Variants in TASP1 observed in about 807,000 individuals in gnomAD.
The protein encoded by TASP1 is taspase 1, also known as threonine aspartase 1.
In TASP1, 16 loss-of-function variants were observed where a neutral mutation model predicts 56.6. The ratio of observed to expected loss-of-function variants is 0.28; its 90% confidence interval spans 0.19 to 0.43. The LOEUF is 0.43. Among genes scored for constraint, TASP1 ranks in the 20% least tolerant of loss-of-function variants. The probability of loss-of-function intolerance (pLI) is 1.00; values close to 1 mark genes in which losing one functional copy is unlikely to be tolerated. For missense variants in TASP1, 393 were observed against 511.6 expected, an observed-to-expected ratio of 0.77 and a Z score of 2.24; for synonymous variants, 179 against 184.2, an observed-to-expected ratio of 0.97 and a Z score of 0.23.
intron 12 of TASP1, among the ~76,000 whole-genome samples, chr20:13,421,365 G>A (rs6042087): frequency 1.1e-4 from 16 of 150,142 alleles, no homozygotes; most frequent in Admixed American, 1.0e-3. Flanking sequence ...ATGGGCCACC[G>A]CACCTGGCCT....
intron 10 of TASP1, among the ~76,000 whole-genome samples, chr20:13,486,017 T>A (rs961424907): frequency 6.6e-6 from 1 of 152,210 alleles, no homozygotes; most frequent in African/African-American, 2.4e-5. Context: ...CAATGATTGA[T>A]CTTTTTACCA....
chr20:13,131,167 G>A, the TASP1 span, among the ~76,000 whole-genome samples: 2 of 152,146 alleles, frequency 1.3e-5, no homozygotes, highest in African/African-American at 4.8e-5. Flanking sequence ...TATTACTCAT[G>A]TTTAAATCTT....
At chr20:13,542,699 G>A (rs556505866) in intron 8 of TASP1, among the ~76,000 whole-genome samples, 2 of 151,736 alleles carry the variant, frequency 1.3e-5, no homozygotes, top group Admixed American at 1.3e-4. Flanking sequence ...ATAAAATTTG[G>A]AAATTAAAAG....
At chr20:13,228,756 T>C in the TASP1 span, among the ~76,000 whole-genome samples, 4 of 152,230 alleles carry the variant, frequency 2.6e-5, no homozygotes, top group Non-Finnish European at 4.4e-5. Context: ...ACTCTTTTTC[T>C]GGAACTCCTG....
chr20:13,430,241 A>C (rs2042759677), intron 12 of TASP1, among the ~76,000 whole-genome samples: 2 of 152,242 alleles, frequency 1.3e-5, no homozygotes, highest in African/African-American at 4.8e-5. Context: ...TTAGTTATCT[A>C]CTGCTACGTA....
downstream of TASP1, among the ~76,000 whole-genome samples, chr20:13,388,840 A>G (rs1164068682): frequency 1.3e-5 from 2 of 152,232 alleles, no homozygotes; most frequent in African/African-American, 4.8e-5. Context: ...CAACTCTCAA[A>G]TTATTCATAT....
downstream of TASP1, among the ~76,000 whole-genome samples, chr20:13,388,141 G>T (rs1157542931): frequency 6.6e-6 from 1 of 152,100 alleles, no homozygotes; most frequent in Admixed American, 6.5e-5. Flanking sequence ...TTAAAAGTGG[G>T]CACCTTAAAA....
the TASP1 span, among the ~76,000 whole-genome samples, chr20:13,144,760 TG>T: frequency 2.6e-5 from 4 of 152,034 alleles, no homozygotes; most frequent in Non-Finnish European, 5.9e-5. Flanking sequence ...ACTATGTGTG[TG>T]TGTGTGTATA....
chr20:13,106,719 C>A, the TASP1 span, among the ~76,000 whole-genome samples: 7 of 152,188 alleles, frequency 4.6e-5, no homozygotes, highest in Admixed American at 2.0e-4. Flanking sequence ...CCGTGCCCTA[C>A]GTGCCATTAA....
chr20:13,106,342 G>A, the TASP1 span, among the ~76,000 whole-genome samples: 1 of 152,114 alleles, frequency 6.6e-6, no homozygotes, highest in Non-Finnish European at 1.5e-5. Context: ...CTGACTTCAT[G>A]GAAGAGAGAC....
At chr20:13,222,996 C>G in the TASP1 span, among the ~76,000 whole-genome samples, 1 of 151,986 alleles carries the variant, frequency 6.6e-6, no homozygotes, top group South Asian at 2.1e-4. Flanking sequence ...AACCCCGTCT[C>G]TACTAAAAAT....
intron 13 of TASP1, among the ~76,000 whole-genome samples, chr20:13,403,151 T>C: frequency 6.6e-6 from 1 of 152,194 alleles, no homozygotes; most frequent in East Asian, 1.9e-4. Flanking sequence ...ACAATTTTTT[T>C]TTCCTGTTCT....
chr20:13,250,091 A>G, the TASP1 span, among the ~76,000 whole-genome samples: 1 of 152,192 alleles, frequency 6.6e-6, no homozygotes, highest in Non-Finnish European at 1.5e-5. Flanking sequence ...CTCTTTTTCT[A>G]CCTTAACAAA....
the TASP1 span, among the ~76,000 whole-genome samples, chr20:13,306,564 C>CAAAAAAAAAAAAAAAAAAAAAAAGAAAA: frequency 1.1e-4 from 7 of 63,912 alleles, no homozygotes; most frequent in Non-Finnish European, 1.6e-4. Flanking sequence ...GGAGAAAGGA[C>CAAAAAAAAAAAAAAAAAAAAAAAGAAAA]AAAAAAAAAA....
chr20:13,244,475 T>G, the TASP1 span: 3 of 152,126 alleles, frequency 2.0e-5, no homozygotes, highest in African/African-American at 7.2e-5. Flanking sequence ...TACAAATTAT[T>G]TGGTAAGGCA....
At chr20:13,383,138 G>A in the TASP1 span, among the ~76,000 whole-genome samples, 1 of 152,206 alleles carries the variant, frequency 6.6e-6, no homozygotes, top group Non-Finnish European at 1.5e-5. Flanking sequence ...GCAGATCCCA[G>A]GGCCTTGTAG....
the TASP1 span, among the ~76,000 whole-genome samples, chr20:13,206,017 C>T: frequency 3.7e-4 from 56 of 152,332 alleles, 1 homozygote; most frequent in East Asian, 3.7e-3. Context: ...CAGACAGAGA[C>T]GCACTCCTGT....
the TASP1 span, among the ~76,000 whole-genome samples, chr20:13,301,765 G>A: frequency 6.6e-6 from 1 of 152,074 alleles, no homozygotes; most frequent in African/African-American, 2.4e-5. Flanking sequence ...ATCCTGTCAG[G>A]ACAGGTATTC....
intron 11 of TASP1, among the ~76,000 whole-genome samples, chr20:13,458,060 TTGGTGG>T (rs1369086741): frequency 6.6e-6 from 1 of 152,204 alleles, no homozygotes; most frequent in Non-Finnish European, 1.5e-5. Context: ...AGCCTAGTCA[TTGGTGG>T]TACACAAAAC....
Sources: allele counts gnomAD v4.1 joint callset (sites outside exome capture counted in the v4.1 genomes callset), GRCh38; gene constraint gnomAD v4.1.1; transcripts MANE v1.5; gene names NCBI Gene and HGNC (gene_info 2026-07-23, HGNC 2026-07-21).